EPB41L3: variants seen among roughly 807,000 people sequenced by gnomAD.
EPB41L3 encodes erythrocyte membrane protein band 4.1 like 3, also known as band 4.1-like protein 3.
A neutral mutation model predicts 127.1 loss-of-function variants in EPB41L3; 57 were observed. The ratio of observed to expected loss-of-function variants is 0.45; its 90% confidence interval spans 0.36 to 0.56. EPB41L3 has a LOEUF of 0.56. EPB41L3 is among the 20% of genes least tolerant of loss of function. EPB41L3 has a pLI of 0.00. For missense variants in EPB41L3, 1,273 were observed against 1,372.2 expected, an observed-to-expected ratio of 0.93 and a Z score of 1.14; for synonymous variants, 572 against 549.5, an observed-to-expected ratio of 1.04 and a Z score of -0.57.
intron 3 of EPB41L3, among the ~76,000 whole-genome samples, chr18:5,596,239 A>G (rs2094536021): frequency 1.3e-5 from 2 of 152,216 alleles, no homozygotes; most frequent in African/African-American, 4.8e-5. Flanking sequence ...GCATGGCAGA[A>G]CACTGATTTC....
intron 3 of EPB41L3, among the ~76,000 whole-genome samples, chr18:5,569,266 C>A (rs2094246524): frequency 6.6e-6 from 1 of 152,194 alleles, no homozygotes; most frequent in Non-Finnish European, 1.5e-5. Context: ...GTATATTTAG[C>A]AAGTATTGGT....
chr18:5,569,680 CTA>C (rs1187945863), intron 3 of EPB41L3, among the ~76,000 whole-genome samples: 1 of 152,212 alleles, frequency 6.6e-6, no homozygotes, highest in Admixed American at 6.5e-5. Flanking sequence ...CTTTCTACAG[CTA>C]CTTCTCCATG....
intron 3 of EPB41L3, among the ~76,000 whole-genome samples, chr18:5,449,482 C>T (rs2081986734): frequency 6.6e-6 from 1 of 152,162 alleles, no homozygotes; most frequent in Non-Finnish European, 1.5e-5. Flanking sequence ...TTGGTATCTA[C>T]CTAAATGAGT....
At chr18:5,512,815 C>T (rs1189406065) in intron 1 of EPB41L3, among the ~76,000 whole-genome samples, 1 of 152,120 alleles carries the variant, frequency 6.6e-6, no homozygotes, top group Admixed American at 6.5e-5. Flanking sequence ...TCATTATCAT[C>T]GTCAAAATTT....
chr18:5,496,778 C>T (rs1291323249), intron 1 of EPB41L3, among the ~76,000 whole-genome samples: 2 of 152,206 alleles, frequency 1.3e-5, no homozygotes, highest in Non-Finnish European at 2.9e-5. Context: ...GAAATACTGG[C>T]TACATCATTG....
At chr18:5,595,737 C>T (rs76496419) in intron 3 of EPB41L3, among the ~76,000 whole-genome samples, 3 of 152,020 alleles carry the variant, frequency 2.0e-5, no homozygotes, top group Non-Finnish European at 4.4e-5. Flanking sequence ...ATTTACTGAC[C>T]GATTCTCCAT....
intron 2 of EPB41L3, among the ~76,000 whole-genome samples, chr18:5,486,013 A>T (rs2089686548): frequency 6.6e-6 from 1 of 152,198 alleles, no homozygotes; most frequent in African/African-American, 2.4e-5. Context: ...ATGGAACTAC[A>T]AAAGACCCCG....
upstream of EPB41L3, among the ~76,000 whole-genome samples, chr18:5,545,470 C>T (rs1458599926): frequency 1.3e-5 from 2 of 152,016 alleles, no homozygotes; most frequent in African/African-American, 2.4e-5. Flanking sequence ...ATTTGATTTC[C>T]TTGGCTGGAG....
intron 3 of EPB41L3, among the ~76,000 whole-genome samples, chr18:5,590,852 A>G (rs949665213): frequency 6.6e-5 from 10 of 152,142 alleles, no homozygotes; most frequent in African/African-American, 2.4e-4. Context: ...TTGACACCCT[A>G]GAAAACATAA....
intron 6 of EPB41L3, among the ~76,000 whole-genome samples, chr18:5,437,022 G>A (rs1285205217): frequency 1.3e-5 from 2 of 152,166 alleles, no homozygotes; most frequent in African/African-American, 4.8e-5. Flanking sequence ...AAATTGCTTT[G>A]ACTGGTCATA....
At chr18:5,424,661 A>G (rs2077918588) in intron 9 of EPB41L3, among the ~76,000 whole-genome samples, 1 of 152,178 alleles carries the variant, frequency 6.6e-6, no homozygotes, top group South Asian at 2.1e-4. Context: ...TTCTTCCAGA[A>G]ATCAATTTGC....
chr18:5,561,679 T>C (rs1324817115), intron 3 of EPB41L3, among the ~76,000 whole-genome samples: 1 of 152,146 alleles, frequency 6.6e-6, no homozygotes, highest in Non-Finnish European at 1.5e-5. Flanking sequence ...ACGTTAGTGG[T>C]TGGAAATTTA....
intron 1 of EPB41L3, among the ~76,000 whole-genome samples, chr18:5,502,655 C>T (rs1426844749): frequency 2.0e-5 from 3 of 152,148 alleles, no homozygotes; most frequent in South Asian, 2.1e-4. Context: ...GGGTGCCGCT[C>T]GAAGCGAAAC....
At chr18:5,431,895 A>C (rs2079057397) in intron 8 of EPB41L3, among the ~76,000 whole-genome samples, 1 of 152,188 alleles carries the variant, frequency 6.6e-6, no homozygotes, top group African/African-American at 2.4e-5. Context: ...ATCTGAGTGC[A>C]AAATAGGTGA....
chr18:5,526,852 C>A (rs907139031), intron 1 of EPB41L3, among the ~76,000 whole-genome samples: 6 of 152,058 alleles, frequency 3.9e-5, no homozygotes, highest in African/African-American at 1.4e-4. Context: ...AGCATGCACA[C>A]CTAATCAAAC....
chr18:5,511,104 C>T (rs1342630227), intron 1 of EPB41L3, among the ~76,000 whole-genome samples: 1 of 151,948 alleles, frequency 6.6e-6, no homozygotes, highest in African/African-American at 2.4e-5. Flanking sequence ...AGAACAAAGT[C>T]ATTTGTTTGA....
chr18:5,395,734 C>G (rs1303883536), intron 19 of EPB41L3, 27 bp from the exon 20 acceptor site: 1 of 1,577,594 alleles, frequency 6.3e-7, no homozygotes, highest in South Asian at 1.1e-5. Flanking sequence ...ATAGACCCCT[C>G]ATCCAGGTGC....
intron 1 of EPB41L3, among the ~76,000 whole-genome samples, chr18:5,622,352 CTAGAT>C (rs1418228289): frequency 6.6e-6 from 1 of 152,156 alleles, no homozygotes; most frequent in African/African-American, 2.4e-5. Flanking sequence ...AACCACTCTG[CTAGAT>C]GTGTATTACT....
At chr18:5,458,019 C>T (rs1162298651) in intron 3 of EPB41L3, among the ~76,000 whole-genome samples, 1 of 152,102 alleles carries the variant, frequency 6.6e-6, no homozygotes, top group Non-Finnish European at 1.5e-5. Flanking sequence ...TGCCGGGCAT[C>T]GAGCAGAAAC....
Sources: gnomAD v4.1 joint callset for allele counts (sites outside exome capture counted in the v4.1 genomes callset) on GRCh38, gnomAD v4.1.1 for gene constraint, MANE v1.5 for transcripts, NCBI Gene and HGNC (gene_info 2026-07-23, HGNC 2026-07-21) for gene names.